Variants in KBTBD4 observed in about 807,000 individuals in gnomAD.
The protein encoded by KBTBD4 is kelch repeat and BTB domain-containing protein 4.
A neutral mutation model predicts 43.9 loss-of-function variants in KBTBD4; 30 were observed. That is an observed-to-expected ratio of 0.68 (90% CI 0.51 to 0.93). KBTBD4 has a LOEUF of 0.93. KBTBD4 is among the 40% of genes least tolerant of loss of function. The probability of loss-of-function intolerance (pLI) is 0.00; values close to 1 mark genes in which losing one functional copy is unlikely to be tolerated. For synonymous variants in KBTBD4, 258 were observed against 256.9 expected (o/e 1.00, Z -0.04); for missense variants, 575 against 668.8 (o/e 0.86, Z 1.55).
In KBTBD4 at chr11:47,578,922, CG is replaced by C. The variant is rs1316510497; in HGVS notation, c.19+10del. 7 of 1,551,664 alleles carry C rather than the reference CG, an allele frequency of 4.5e-6. No homozygotes were observed. The highest frequency in any genetic ancestry group is 6.1e-6 in the Non-Finnish European group (7 of 1,147,020). On this transcript the variant is annotated intron_variant, in intron 1 of 3. Transcript: ENST00000430070. ...TCACGATTTCCCTACCTGCCTGTCT[CG>C]CTTTCTCACCTGCGTTCCCTCCTTT...
intron 3 of KBTBD4, among the ~76,000 whole-genome samples, chr11:47,574,050 T>C (rs1013853493): frequency 6.6e-6 from 1 of 152,210 alleles, no homozygotes; most frequent in African/African-American, 2.4e-5. Context: ...GTGATTAAGA[T>C]TGTTAACTTG....
chr11:47,575,552 T>C (rs773150198), intron 3 of KBTBD4, 41 bp downstream of exon 3: 4 of 1,245,336 alleles, frequency 3.2e-6, no homozygotes, highest in East Asian at 2.3e-5. Context: ...CAAGAATGCA[T>C]GGAGAGTATG....
In KBTBD4 at chr11:47,573,199, C is replaced by G. The variant is rs1283043274; in HGVS notation, c.1336G>C (p.Asp446His). ...CCTTCAGCCACGATGAACACCAGAT[C>G]TTTATGCACAGCTGCGTGCATGCGG... ...AGRMHAAVHK[D>H]LVFIVAEGDS... Residue 446 changes from aspartate (D) to histidine (H), a missense_variant, in exon 4 of 4, where the codon GAT (aspartate) becomes CAT (histidine). Asp to His is a moderately conservative substitution (Grantham distance 81, BLOSUM62 -1). Transcript: ENST00000430070. The surrounding 1 kb of genome is among the most constrained non-coding windows in gnomAD (Gnocchi z 4.1). The G allele has an allele frequency of 6.2e-7, 1 of 1,614,066 alleles. No individual in the cohort carries two copies. The highest frequency in any genetic ancestry group is 2.2e-5 in the East Asian group (1 of 44,886).
In KBTBD4 at chr11:47,572,435, C is replaced by T. The variant is rs567806780; in HGVS notation, c.*495G>A. On this transcript the variant is annotated 3_prime_UTR_variant, in exon 4 of 4. Transcript: ENST00000430070. ...GGAACATCCTGAATTCTAGAGTTGA[C>T]TCTTGCTGGTGAAGTACACCTTCAG... is the stretch of plus-strand genomic sequence containing the variant. The T allele has an allele frequency of 6.5e-6, 1 of 154,558 alleles. No individual in the cohort carries two copies. The highest frequency in any genetic ancestry group is 2.0e-4 in the South Asian group (1 of 4,890). 9.6% of individuals were successfully genotyped at this position (154,558 alleles called of 1,614,324 possible).
intron 2 of KBTBD4, among the ~76,000 whole-genome samples, chr11:47,577,207 C>A (rs1193206826): frequency 1.3e-5 from 2 of 152,210 alleles, no homozygotes; most frequent in Non-Finnish European, 2.9e-5. Flanking sequence ...TTCCTGACTT[C>A]TTCCTCTAAC....
chr11:47,578,647 TG>T, intron 1 of KBTBD4: 1 of 822,198 alleles, frequency 1.2e-6, no homozygotes, highest in Non-Finnish European at 2.0e-6. Flanking sequence ...GCCGGGGCAC[TG>T]GGAGGCCCAT....
Position 47,577,540 on chromosome 11 carries a change from C to T in KBTBD4, c.508G>A (p.Ala170Thr). Reference sequence around the variant, plus strand: ...AGCTCAGGATCACTGTGCCGATCTGCCAGCCACATCACCTGAAGGCAGTTT... The same window carrying T: ...AGCTCAGGATCACTGTGCCGATCTGTCAGCCACATCACCTGAAGGCAGTTT... Reference protein sequence around the residue: ...VGNCLQVMWLADRHSDPELYT... With the variant: ...VGNCLQVMWLTDRHSDPELYT... The change falls in exon 2 of 4, where the codon GCA becomes ACA. Residue 170 changes from alanine to threonine, a missense_variant. By Grantham distance (58) the Ala-to-Thr change is moderately conservative (BLOSUM62 0). Coordinates refer to ENST00000430070, the MANE Select transcript of KBTBD4 (RefSeq NM_018095.6). 9 of 1,614,160 alleles carry T rather than the reference C, an allele frequency of 5.6e-6. No individual in the cohort carries two copies. The highest frequency in any genetic ancestry group is 7.6e-6 in the Non-Finnish European group (9 of 1,180,028).
chr11:47,577,575 A>C lies in KBTBD4; in HGVS notation c.473T>G (p.Val158Gly). Residue 158 changes from valine (V) to glycine (G), a missense_variant, in exon 2 of 4, where the codon GTG (valine) becomes GGG (glycine). Val to Gly is a moderately radical substitution (Grantham distance 109, BLOSUM62 -3). Transcript: ENST00000430070. ...EECSRFLART[V>G]QVGNCLQVMW... ...CACCTGAAGGCAGTTTCCCACTTGC[A>C]CTGTGCGGGCCAAAAACCGAGAGCA... is the stretch of plus-strand genomic sequence containing the variant. 1.2e-6 allele frequency: 2 copies of C among 1,614,216 alleles called. No homozygotes were observed. Among genetic ancestry groups the C allele is most frequent in the Non-Finnish European group, 1.7e-6 (2 of 1,180,040 alleles).
At chr11:47,576,387 C>G (rs929482301) in intron 2 of KBTBD4, 1 of 151,708 alleles carries the variant, frequency 6.6e-6, no homozygotes, top group Middle Eastern at 3.2e-3. Flanking sequence ...ACCTCGTGAT[C>G]TGCCCGCCTC....
chr11:47,578,814 TC>T, intron 1 of KBTBD4, 118 bp downstream of exon 1: 1 of 1,350,198 alleles, frequency 7.4e-7, no homozygotes, highest in South Asian at 1.3e-5. Context: ...GCCCGCCCCC[TC>T]CCCTCCTCTC....
In KBTBD4 at chr11:47,578,943, T is replaced by C. The variant is rs1044922710; in HGVS notation, c.9A>G (p.Gly3=). Residue 3 remains glycine (G), a synonymous_variant, in exon 1 of 4, where the codon GGA becomes GGG. Transcript: ENST00000430070. Reference sequence around the variant, plus strand: ...GTCTCGCTTTCTCACCTGCGTTCCCTCCTTTCATCCCGGAGCCCGGAACCT... The same window carrying C: ...GTCTCGCTTTCTCACCTGCGTTCCCCCCTTTCATCCCGGAGCCCGGAACCT... MK[G]GNADSWQREK... is the part of the protein sequence containing the mutation. The C allele has an allele frequency of 1.3e-6, 2 of 1,551,636 alleles. No homozygotes were observed. The highest frequency in any genetic ancestry group is 2.0e-5 in the Admixed American group (1 of 50,976).
Position 47,573,932 on chromosome 11 carries a change from T to G in KBTBD4, c.745-142A>C. On this transcript the variant is annotated intron_variant, in intron 3 of 3. Coordinates refer to ENST00000430070, the MANE Select transcript of KBTBD4 (RefSeq NM_018095.6). This position sits in a 1 kb window ranked among gnomAD's most constrained non-coding sequence, Gnocchi z 4.1. ...CTCTAATTACTGTATGGCATCCAACTCTCCTCTAGTCACTTTCTTTGAGGC... is the reference window on the plus strand; with the variant it reads ...CTCTAATTACTGTATGGCATCCAACGCTCCTCTAGTCACTTTCTTTGAGGC... 2.7e-6 allele frequency: 2 copies of G among 733,136 alleles called. No homozygotes were observed. The highest frequency in any genetic ancestry group is 4.4e-6 in the Non-Finnish European group (2 of 456,276). 45.4% of individuals were successfully genotyped at this position (733,136 alleles called of 1,614,324 possible). A position where few individuals can be genotyped will look rare whatever the true frequency, so the allele number is the denominator to read the frequency against.
chr11:47,577,576 C>G lies in KBTBD4; in HGVS notation c.472G>C (p.Val158Leu). Residue 158 changes from valine to leucine, a missense_variant, in exon 2 of 4, where the codon GTG becomes CTG. Transcript: ENST00000430070. ...ACCTGAAGGCAGTTTCCCACTTGCA[C>G]TGTGCGGGCCAAAAACCGAGAGCAT... ...EECSRFLART[V>L]QVGNCLQVMW... The G allele has an allele frequency of 6.2e-7, 1 of 1,614,178 alleles. No individual in the cohort carries two copies. Among genetic ancestry groups the G allele is most frequent in the Non-Finnish European group, 8.5e-7 (1 of 1,180,046 alleles).
rs1189824740 is a variant in KBTBD4 at position 47,573,490 on chromosome 11, A to G, written c.1045T>C (p.Tyr349His). Reference protein sequence around the residue: ...LVSVPGKDAIYSLGGKTLQDT... With the variant: ...LVSVPGKDAIHSLGGKTLQDT... ...TGCAGTGTCTTGCCACCCAGTGAAT[A>G]TATGGCATCTTTCCCGGGCACAGAC... The change falls in exon 4 of 4, where the codon TAT becomes CAT. Residue 349 changes from tyrosine to histidine, a missense_variant. Tyr to His is a moderately conservative substitution (Grantham distance 83, BLOSUM62 2). Transcript: ENST00000430070. The surrounding 1 kb of genome is among the most constrained non-coding windows in gnomAD (Gnocchi z 4.1). 1 of 1,614,194 alleles carries G rather than the reference A, an allele frequency of 6.2e-7. No homozygotes were observed. Among genetic ancestry groups the G allele is most frequent in the Non-Finnish European group, 8.5e-7 (1 of 1,180,036 alleles).
Position 47,577,511 on chromosome 11 carries a change from A to G in KBTBD4, c.537T>C (p.Tyr179=), listed in dbSNP as rs1390884329. ...TCTTGGCACAGTGCTTGGCAGCCGT[A>G]TAGAGCTCAGGATCACTGTGCCGAT... is the stretch of plus-strand genomic sequence containing the variant. ...LADRHSDPEL[Y]TAAKHCAKTH... is the part of the protein sequence containing the mutation. Residue 179 remains tyrosine, a synonymous_variant, in exon 2 of 4, where the codon TAT becomes TAC. Transcript: ENST00000430070. 4 of 1,614,026 alleles carry G rather than the reference A, an allele frequency of 2.5e-6. No homozygotes were observed. The highest frequency in any genetic ancestry group is 2.7e-5 in the African/African-American group (2 of 74,918).
intron 2 of KBTBD4, 40 bp from the exon 3 acceptor site, chr11:47,575,739 G>C (rs12798233): frequency 7.5e-7 from 1 of 1,329,652 alleles, no homozygotes; most frequent in Non-Finnish European, 1.1e-6. Context: ...ATGACAATCC[G>C]AAAGAGAAAT....
chr11:47,575,916 G>A (rs2097258469), intron 2 of KBTBD4, among the ~76,000 whole-genome samples: 1 of 150,714 alleles, frequency 6.6e-6, no homozygotes, highest in South Asian at 2.1e-4. Context: ...AAGTGCAATG[G>A]CGCAATCACC....
chr11:47,578,969 CCGCTTCCGGCTCCACGT>C, exon 1 of KBTBD4: 3 of 1,551,662 alleles, frequency 1.9e-6, no homozygotes, highest in Non-Finnish European at 2.6e-6. Flanking sequence ...CCCGGAACCT[CCGCTTCCGGCTCCACGT>C]CCGCCCGGAA....
intron 1 of KBTBD4, chr11:47,578,564 C>A: frequency 1.4e-6 from 1 of 700,648 alleles, no homozygotes; most frequent in South Asian, 1.5e-5. Context: ...TGAGCTGCTT[C>A]CCCCACACTT....
Sources: gnomAD v4.1 joint callset for allele counts (sites outside exome capture counted in the v4.1 genomes callset) on GRCh38, gnomAD v4.1.1 for gene constraint, Gnocchi (gnomAD v3.1) non-coding constraint, MANE v1.5 for transcripts, NCBI Gene and HGNC (gene_info 2026-07-23, HGNC 2026-07-21) for gene names.